The following SECISBP2L variants were observed in gnomAD, a reference collection of about 807,000 sequenced individuals.
SECISBP2L encodes selenocysteine insertion sequence-binding protein 2-like.
Under a neutral mutation model 114.7 loss-of-function variants are expected in SECISBP2L, and 43 were observed. The ratio of observed to expected loss-of-function variants is 0.38; its 90% CI spans 0.29 to 0.48. SECISBP2L has a LOEUF of 0.48. Among genes scored for constraint, SECISBP2L ranks in the 20% least tolerant of loss-of-function variants. The pLI, the probability that SECISBP2L is intolerant of heterozygous loss-of-function variation, is 0.98. For synonymous variants in SECISBP2L, 451 were observed against 439.7 expected (o/e 1.03, Z -0.32); for missense variants, 1,136 against 1,301.1 (o/e 0.87, Z 1.95).
At chr15:49,013,774 C>T (rs572575868) in intron 11 of SECISBP2L, among the ~76,000 whole-genome samples, 3 of 152,286 alleles carry the variant, frequency 2.0e-5, no homozygotes, top group Non-Finnish European at 2.9e-5. Context: ...TGGCAGACAT[C>T]CTTACTCCTG....
At chr15:49,032,834 T>C in intron 4 of SECISBP2L, 131 bp downstream of exon 4, 3 of 1,209,280 alleles carry the variant, frequency 2.5e-6, no homozygotes, top group Non-Finnish European at 3.4e-6. Context: ...CTAGAGAATT[T>C]CACAAAGTGG....
At chr15:49,002,384 C>G (rs528726105) in intron 14 of SECISBP2L, among the ~76,000 whole-genome samples, 7 of 152,262 alleles carry the variant, frequency 4.6e-5, no homozygotes, top group Non-Finnish European at 1.0e-4. Context: ...CAAAAACTTT[C>G]TCCCATCGTA....
rs190283961 is a variant in SECISBP2L at position 49,032,939 on chromosome 15, C to T, written c.664+26G>A. 5.4e-5 allele frequency: 86 copies of T among 1,606,168 alleles called. No homozygotes were observed. The African/African-American group carries it at 7.8e-4, about 15-fold the overall frequency. ...AATGAAAACAGATAAAAATCAGTGA[C>T]GCACATGTAAGAACCCTTGCCTTAC... On this transcript the variant is annotated intron_variant, in intron 4 of 17. Transcript: ENST00000559471.
chr15:48,992,983 C>A, intron 17 of SECISBP2L, 57 bp from the exon 18 acceptor site: 1 of 1,428,890 alleles, frequency 7.0e-7, no homozygotes. Context: ...AATCATGCAA[C>A]TCTTTAAAAA....
At position 49,035,627 on chromosome 15, in the gene SECISBP2L, A is replaced by T. The variant is rs1338427120; in HGVS notation, c.235T>A (p.Trp79Arg). Residue 79 changes from tryptophan to arginine, a missense_variant, in exon 3 of 18, where the codon TGG (tryptophan) becomes AGG (arginine). Physicochemically the swap from Trp to Arg is moderately radical, Grantham distance 101. Coordinates refer to ENST00000559471, the MANE Select transcript of SECISBP2L (RefSeq NM_001193489.2). ...QFPLYNNDIRWQQPNPNPTGP... is the reference protein window; with the variant it reads ...QFPLYNNDIRRQQPNPNPTGP... ...GTAGGGTTTGGATTGGGTTGTTGCC[A>T]TCGTATATCATTGTTATATAAAGGA... is the stretch of plus-strand genomic sequence containing the variant. 1.9e-6 allele frequency: 3 copies of T among 1,612,432 alleles called. No homozygotes were observed. Among genetic ancestry groups the T allele is most frequent in the Non-Finnish European group, 2.5e-6 (3 of 1,178,764 alleles).
intron 2 of SECISBP2L, 91 bp from the exon 3 acceptor site, chr15:49,035,749 A>C: frequency 2.6e-6 from 3 of 1,143,082 alleles, no homozygotes; most frequent in Non-Finnish European, 3.7e-6. Context: ...AATAAAAGAC[A>C]AAACAGAACA....
intron 4 of SECISBP2L, among the ~76,000 whole-genome samples, chr15:49,030,256 T>TA (rs901050839): frequency 1.6e-4 from 25 of 152,186 alleles, no homozygotes; most frequent in African/African-American, 6.0e-4. Context: ...CTTAGAGTAG[T>TA]ATCCAAGCAG....
chr15:48,996,751 C>T (rs1902100862), intron 16 of SECISBP2L, among the ~76,000 whole-genome samples, 165 bp from the exon 17 acceptor site: 1 of 152,192 alleles, frequency 6.6e-6, no homozygotes, highest in Non-Finnish European at 1.5e-5. Context: ...TACTCTGTAA[C>T]TTACATTTAC....
At chr15:49,033,494 A>G (rs906879234) in intron 3 of SECISBP2L, among the ~76,000 whole-genome samples, 2 of 152,164 alleles carry the variant, frequency 1.3e-5, no homozygotes, top group African/African-American at 4.8e-5. Context: ...TCAGAAAAGC[A>G]ATGACATGAA....
chr15:49,043,145 T>C (rs937304009), intron 1 of SECISBP2L, among the ~76,000 whole-genome samples: 11 of 152,208 alleles, frequency 7.2e-5, no homozygotes, highest in African/African-American at 2.4e-4. Context: ...GACAGCTCAT[T>C]TACTTATATC....
chr15:49,040,985 AACTAG>A (rs563935246), intron 1 of SECISBP2L, among the ~76,000 whole-genome samples: 60 of 152,240 alleles, frequency 3.9e-4, no homozygotes, highest in Non-Finnish European at 7.8e-4. Flanking sequence ...TGTATGAAAA[AACTAG>A]ACTAGATACA....
intron 7 of SECISBP2L, among the ~76,000 whole-genome samples, chr15:49,022,443 A>G (rs964817197): frequency 2.0e-5 from 3 of 152,162 alleles, no homozygotes; most frequent in African/African-American, 7.2e-5. Context: ...CTACTGAAAT[A>G]CAAAAATTAG....
intron 4 of SECISBP2L, among the ~76,000 whole-genome samples, chr15:49,031,958 G>T (rs2141082197): frequency 6.6e-6 from 1 of 152,256 alleles, no homozygotes; most frequent in South Asian, 2.1e-4. Flanking sequence ...GCCACTCCAA[G>T]TATTTGTCAG....
intron 7 of SECISBP2L, chr15:49,019,782 T>C (rs1902605961): frequency 8.7e-6 from 3 of 346,418 alleles, no homozygotes; most frequent in Non-Finnish European, 1.5e-5. Context: ...GACATGAATA[T>C]TTATTAGCAG....
In SECISBP2L at chr15:49,032,945, T is replaced by A. The variant is rs746426312; in HGVS notation, c.664+20A>T. The A allele has an allele frequency of 1.2e-6, 2 of 1,612,020 alleles. No homozygotes were observed. The highest frequency in any genetic ancestry group is 8.5e-7 in the Non-Finnish European group (1 of 1,179,314). On this transcript the variant is annotated intron_variant, in intron 4 of 17. Transcript: ENST00000559471. ...AACAGATAAAAATCAGTGACGCACA[T>A]GTAAGAACCCTTGCCTTACCAGTTT...
At chr15:49,001,372 C>T (rs1181844561) in intron 14 of SECISBP2L, among the ~76,000 whole-genome samples, 1 of 151,976 alleles carries the variant, frequency 6.6e-6, no homozygotes. Context: ...ATCACTTTAT[C>T]CCCATCACCT....
chr15:49,037,486 G>T, intron 2 of SECISBP2L, 105 bp downstream of exon 2: 1 of 973,688 alleles, frequency 1.0e-6, no homozygotes, highest in Non-Finnish European at 1.5e-6. Flanking sequence ...CCTCTTAATA[G>T]AGAAATGGTT....
chr15:49,036,921 G>A (rs1009458877), intron 2 of SECISBP2L, among the ~76,000 whole-genome samples: 2 of 152,104 alleles, frequency 1.3e-5, no homozygotes, highest in African/African-American at 4.8e-5. Context: ...CTAGAAAAAC[G>A]AAATTTTCTG....
At chr15:49,011,265 T>C (rs1902432026) in intron 13 of SECISBP2L, among the ~76,000 whole-genome samples, 1 of 152,218 alleles carries the variant, frequency 6.6e-6, no homozygotes, top group Admixed American at 6.5e-5. Context: ...TGTATGACAC[T>C]GAATCTTATC....
Sources: allele counts gnomAD v4.1 joint callset (sites outside exome capture counted in the v4.1 genomes callset), GRCh38; gene constraint gnomAD v4.1.1; transcripts MANE v1.5; gene names NCBI Gene and HGNC (gene_info 2026-07-23, HGNC 2026-07-21).